MACROD2: variants seen among roughly 807,000 people sequenced by gnomAD.
MACROD2 encodes ADP-ribose glycohydrolase MACROD2.
In MACROD2, 36 loss-of-function variants were observed where a neutral mutation model predicts 70.4. The ratio of observed to expected loss-of-function variants is 0.51; its 90% confidence interval spans 0.39 to 0.68. MACROD2 has a LOEUF of 0.68. MACROD2 is among the 30% of genes least tolerant of loss of function. The probability of loss-of-function intolerance (pLI) is 0.00; values close to 1 mark genes in which losing one functional copy is unlikely to be tolerated. For synonymous variants in MACROD2, 172 were observed against 178.8 expected, an observed-to-expected ratio of 0.96 and a Z score of 0.30; for missense variants, 496 against 538.4, an observed-to-expected ratio of 0.92 and a Z score of 0.78.
At chr20:14,031,488 A>G (rs1035616568) in intron 2 of MACROD2, among the ~76,000 whole-genome samples, 6 of 152,126 alleles carry the variant, frequency 3.9e-5, no homozygotes, top group Non-Finnish European at 8.8e-5. Context: ...TTTCCCTTAA[A>G]TGTTGGTTGT....
chr20:15,538,614 A>G (rs1205047095), intron 8 of MACROD2, among the ~76,000 whole-genome samples: 1 of 152,220 alleles, frequency 6.6e-6, no homozygotes, highest in Non-Finnish European at 1.5e-5. Flanking sequence ...CAAATGTTAG[A>G]TACAGAGAAG....
At chr20:14,905,127 A>T (rs2073943533) in intron 5 of MACROD2, 1 of 152,176 alleles carries the variant, frequency 6.6e-6, no homozygotes, top group Non-Finnish European at 1.5e-5. Context: ...ACATTTACAC[A>T]AGAGAAATAC....
intron 8 of MACROD2, among the ~76,000 whole-genome samples, chr20:15,553,734 TG>T (rs2048128855): frequency 6.6e-6 from 1 of 152,148 alleles, no homozygotes; most frequent in Admixed American, 6.5e-5. Context: ...CCGGCCACCT[TG>T]GGTATTTTGG....
Position 14,847,565 on chromosome 20 carries a change from A to G in MACROD2, c.418+162606A>G, listed in dbSNP as rs1179234635. The stretch of plus-strand genomic sequence containing the variant: ...AAGCATAATGTTGAATTTTCATAAT[A>G]ATGTTTGTGATGCAAATGAGGCACA... On this transcript the variant is annotated intron_variant, in intron 5 of 17. Coordinates refer to ENST00000684519, the MANE Select transcript of MACROD2 (RefSeq NM_001351661.2). 2.7e-5 allele frequency among the ~76,000 whole-genome samples: 4 copies of G among 149,860 alleles called. No individual in the cohort carries two copies. The East Asian group carries it at 7.8e-4, about 29-fold the overall frequency.
At chr20:16,041,323 C>A in intron 16 of MACROD2, 45 bp downstream of exon 16, 1 of 1,481,224 alleles carries the variant, frequency 6.8e-7, no homozygotes, top group Non-Finnish European at 9.3e-7. Context: ...ACAAATCTGG[C>A]ATATTTTCTA....
chr20:15,628,136 A>G (rs752675441), intron 8 of MACROD2, among the ~76,000 whole-genome samples: 3 of 152,220 alleles, frequency 2.0e-5, no homozygotes, highest in Non-Finnish European at 4.4e-5. Flanking sequence ...GAAATAACCT[A>G]CAGGGCTGAT....
intron 3 of MACROD2, among the ~76,000 whole-genome samples, chr20:14,102,072 C>T (rs1231231500): frequency 7.6e-6 from 1 of 131,912 alleles, no homozygotes; most frequent in Non-Finnish European, 1.5e-5. Flanking sequence ...GGCATGATCT[C>T]GGCTCACTGC....
At chr20:15,389,277 G>A (rs1171356219) in intron 6 of MACROD2, among the ~76,000 whole-genome samples, 3 of 152,078 alleles carry the variant, frequency 2.0e-5, no homozygotes, top group East Asian at 1.9e-4. Flanking sequence ...AGAGAGAGAG[G>A]GGCAATGCCC....
At chr20:14,719,473 GA>G (rs11087105) in intron 5 of MACROD2, among the ~76,000 whole-genome samples, 98,797 of 136,242 alleles carry the variant, frequency 0.73, 35,880 homozygotes, top group East Asian at 0.82. Flanking sequence ...AAGATAGAAA[GA>G]AAAAAAAAAA....
intron 3 of MACROD2, among the ~76,000 whole-genome samples, chr20:14,094,447 A>G (rs1380514947): frequency 6.6e-6 from 1 of 152,192 alleles, no homozygotes; most frequent in African/African-American, 2.4e-5. Context: ...TGTTTTCATT[A>G]AAACTGTTCT....
At chr20:14,575,308 A>G (rs1980522019) in intron 4 of MACROD2, among the ~76,000 whole-genome samples, 1 of 152,172 alleles carries the variant, frequency 6.6e-6, no homozygotes, top group African/African-American at 2.4e-5. Flanking sequence ...ACAGTTTTGC[A>G]AAACACTTTA....
chr20:15,739,380 G>A (rs13045059), intron 8 of MACROD2, among the ~76,000 whole-genome samples: 46,305 of 152,050 alleles, frequency 0.3, 9,933 homozygotes, highest in African/African-American at 0.6. Context: ...TATAAATTCA[G>A]TTTCTACCCA....
intron 6 of MACROD2, among the ~76,000 whole-genome samples, chr20:15,338,091 T>C (rs895015447): frequency 6.6e-6 from 1 of 151,500 alleles, no homozygotes; most frequent in African/African-American, 2.4e-5. Context: ...CCTCTCTTTT[T>C]CAGGTGAGCT....
In MACROD2 at chr20:14,958,796, G is replaced by C. The variant is rs370378291; in HGVS notation, c.419-271144G>C. ...TGCATCAGAGTCACCTATAGGGCTT[G>C]TTAAAACACAGATAACTGGGCCCCA... On this transcript the variant is annotated intron_variant, in intron 5 of 17. Transcript: ENST00000684519. Among the ~76,000 whole-genome samples, 9 of 152,274 alleles carry C rather than the reference G, an allele frequency of 5.9e-5. No homozygotes were observed. The South Asian group carries it at 1.9e-3, about 32-fold the overall frequency.
At chr20:14,642,841 A>G (rs1985171484) in intron 4 of MACROD2, among the ~76,000 whole-genome samples, 1 of 152,118 alleles carries the variant, frequency 6.6e-6, no homozygotes, top group African/African-American at 2.4e-5. Flanking sequence ...TGCAAAAATT[A>G]CCAAAATTGT....
At chr20:14,917,144 C>A (rs765101717) in intron 5 of MACROD2, among the ~76,000 whole-genome samples, 1 of 151,030 alleles carries the variant, frequency 6.6e-6, no homozygotes, top group Non-Finnish European at 1.5e-5. Flanking sequence ...TCCATCCCTG[C>A]TCAGATGGTT....
chr20:14,634,528 T>A (rs1984679738), intron 4 of MACROD2, among the ~76,000 whole-genome samples: 1 of 151,000 alleles, frequency 6.6e-6, no homozygotes, highest in South Asian at 2.1e-4. Context: ...TTTGGCTTTT[T>A]CCTTCTTATC....
At chr20:15,053,457 T>C (rs2075458808) in intron 5 of MACROD2, among the ~76,000 whole-genome samples, 1 of 152,160 alleles carries the variant, frequency 6.6e-6, no homozygotes, top group Admixed American at 6.6e-5. Context: ...ATGCTAAATC[T>C]ACTCTTCCTG....
chr20:15,052,325 T>C lies in MACROD2; in HGVS notation c.419-177615T>C, dbSNP rs539793430. 8.6e-4 allele frequency among the ~76,000 whole-genome samples: 131 copies of C among 152,328 alleles called. 1 individual carries two copies. The highest frequency in any genetic ancestry group is 3.1e-3 in the African/African-American group (127 of 41,578). Reference sequence around the variant, plus strand: ...TGTTTTATTGTGTTTTGCTTTATTGTGCTTTGCAGATATTGTGTCTTTTTA... The same window carrying C: ...TGTTTTATTGTGTTTTGCTTTATTGCGCTTTGCAGATATTGTGTCTTTTTA... On this transcript the variant is annotated intron_variant, in intron 5 of 17. Coordinates refer to ENST00000684519, the MANE Select transcript of MACROD2 (RefSeq NM_001351661.2).
Sources: allele counts gnomAD v4.1 joint callset (sites outside exome capture counted in the v4.1 genomes callset), GRCh38; gene constraint gnomAD v4.1.1; transcripts MANE v1.5; gene names NCBI Gene and HGNC (gene_info 2026-07-23, HGNC 2026-07-21).